RSU1: variants seen among roughly 807,000 people sequenced by gnomAD.
The protein encoded by RSU1 is Ras suppressor protein 1.
Under a neutral mutation model 31.1 loss-of-function variants are expected in RSU1, and 26 were observed. The observed-to-expected ratio is 0.84, with a 90% CI of 0.61 to 1.16. The LOEUF (loss-of-function observed/expected upper bound fraction) is 1.16. RSU1 is among the 50% of genes most tolerant of loss of function. The pLI, the probability that RSU1 is intolerant of heterozygous loss-of-function variation, is 0.00. For synonymous variants in RSU1, 164 were observed against 136.3 expected (o/e 1.20, Z -1.41); for missense variants, 320 against 339.1 (o/e 0.94, Z 0.44).
intron 7 of RSU1, among the ~76,000 whole-genome samples, chr10:16,710,388 C>T (rs777156487): frequency 6.6e-6 from 1 of 152,140 alleles, no homozygotes; most frequent in Non-Finnish European, 1.5e-5. Context: ...TTTTAATGTG[C>T]TGCTGGATTC....
At chr10:16,806,579 T>C (rs559048322) in intron 2 of RSU1, among the ~76,000 whole-genome samples, 9 of 152,154 alleles carry the variant, frequency 5.9e-5, no homozygotes, top group African/African-American at 1.9e-4. Context: ...ATGTGGTAAA[T>C]GTGTGCGTGT....
At chr10:16,659,076 C>G (rs2131524752) in intron 8 of RSU1, among the ~76,000 whole-genome samples, 1 of 152,236 alleles carries the variant, frequency 6.6e-6, no homozygotes, top group Non-Finnish European at 1.5e-5. Context: ...TACCTTTTAT[C>G]AATTTATCTT....
At chr10:16,619,201 C>G (rs1412327240) in intron 8 of RSU1, among the ~76,000 whole-genome samples, 1 of 152,218 alleles carries the variant, frequency 6.6e-6, no homozygotes, top group Admixed American at 6.5e-5. Flanking sequence ...AAAAATATTA[C>G]TTGATAGAAT....
At chr10:16,652,389 A>G (rs1834700691) in intron 8 of RSU1, among the ~76,000 whole-genome samples, 3 of 126,826 alleles carry the variant, frequency 2.4e-5, no homozygotes, top group Non-Finnish European at 4.9e-5. Flanking sequence ...ACCTGCCCCA[A>G]AGCAAAAAAA....
chr10:16,687,487 T>C lies in RSU1; in HGVS notation c.731+7536A>G, dbSNP rs1017357398. Among the ~76,000 whole-genome samples the C allele has an allele frequency of 2.0e-5, 3 of 152,148 alleles. No homozygotes were observed. The South Asian group carries it at 6.2e-4, about 32-fold the overall frequency. On this transcript the variant is annotated intron_variant, in intron 8 of 8. Transcript: ENST00000345264. ...ATACTAGTTACCTGTGAAGTATATA[T>C]GAATAATAGTGTTAACCAAGTTACA...
At chr10:16,650,448 G>A (rs1444692999) in intron 8 of RSU1, among the ~76,000 whole-genome samples, 1 of 151,902 alleles carries the variant, frequency 6.6e-6, no homozygotes, top group Non-Finnish European at 1.5e-5. Flanking sequence ...TATTCATAAA[G>A]ACAATGATAA....
At chr10:16,794,055 C>A (rs1312470776) in intron 2 of RSU1, among the ~76,000 whole-genome samples, 1 of 152,052 alleles carries the variant, frequency 6.6e-6, no homozygotes, top group Admixed American at 6.6e-5. Context: ...CTTCTCCTGC[C>A]CTCAGACATC....
At chr10:16,801,097 T>TA (rs199590345) in intron 2 of RSU1, among the ~76,000 whole-genome samples, 3,886 of 147,072 alleles carry the variant, frequency 0.026, 53 homozygotes, top group Non-Finnish European at 0.038. Flanking sequence ...ATCTTTTTTT[T>TA]AAAAAAAAAA....
At chr10:16,679,869 G>GTTT (rs71374699) in intron 8 of RSU1, among the ~76,000 whole-genome samples, 15 of 124,654 alleles carry the variant, frequency 1.2e-4, no homozygotes, top group Non-Finnish European at 1.5e-4. Flanking sequence ...AAAGACTCAA[G>GTTT]TTTTTTTTTT....
Position 16,618,401 on chromosome 10 carries a change from T to C in RSU1, c.732-24905A>G, listed in dbSNP as rs375157986. Among the ~76,000 whole-genome samples the C allele has an allele frequency of 8.5e-5, 13 of 152,296 alleles. No homozygotes were observed. The East Asian group carries it at 1.7e-3, about 20-fold the overall frequency. Reference sequence around the variant, plus strand: ...TGGGAGTGTAAATTAGTTTAACCATTGTGGAAGTCAGTGTGGCGATTCCTC... The same window carrying C: ...TGGGAGTGTAAATTAGTTTAACCATCGTGGAAGTCAGTGTGGCGATTCCTC... On this transcript the variant is annotated intron_variant, in intron 8 of 8. Coordinates refer to ENST00000345264, the MANE Select transcript of RSU1 (RefSeq NM_012425.4).
At chr10:16,716,388 A>G (rs1836140647) in intron 7 of RSU1, among the ~76,000 whole-genome samples, 2 of 152,176 alleles carry the variant, frequency 1.3e-5, no homozygotes, top group African/African-American at 4.8e-5. Flanking sequence ...GCAGAGAAAA[A>G]GCCATGACTC....
chr10:16,668,794 G>A (rs1835048289), intron 8 of RSU1, among the ~76,000 whole-genome samples: 1 of 152,130 alleles, frequency 6.6e-6, no homozygotes, highest in African/African-American at 2.4e-5. Context: ...TTCTGTCTTT[G>A]ATGGTGGTTT....
intron 7 of RSU1, among the ~76,000 whole-genome samples, chr10:16,716,430 C>T (rs540165559): frequency 1.3e-5 from 2 of 152,106 alleles, no homozygotes; most frequent in African/African-American, 4.8e-5. Context: ...TGATCCTAAG[C>T]AGTTCTGAGA....
intron 7 of RSU1, among the ~76,000 whole-genome samples, chr10:16,735,394 T>C (rs1202568132): frequency 6.6e-6 from 1 of 152,204 alleles, no homozygotes; most frequent in East Asian, 1.9e-4. Context: ...CTGGCGGTTG[T>C]GTAAATGGGT....
At chr10:16,595,971 A>G (rs1404860382) in intron 8 of RSU1, among the ~76,000 whole-genome samples, 1 of 150,800 alleles carries the variant, frequency 6.6e-6, no homozygotes, top group East Asian at 2.0e-4. Context: ...CTGTCTCAGA[A>G]AAAAAAAAAT....
chr10:16,614,935 C>T (rs1195602108), intron 8 of RSU1, among the ~76,000 whole-genome samples: 1 of 152,108 alleles, frequency 6.6e-6, no homozygotes, highest in African/African-American at 2.4e-5. Context: ...AAAAATATAA[C>T]AAAATATAAA....
intron 2 of RSU1, among the ~76,000 whole-genome samples, chr10:16,809,580 C>T (rs1395747568): frequency 6.6e-6 from 1 of 152,106 alleles, no homozygotes; most frequent in Non-Finnish European, 1.5e-5. Flanking sequence ...TTTACATCAT[C>T]CTTTGGTTTA....
intron 8 of RSU1, among the ~76,000 whole-genome samples, chr10:16,667,382 A>C (rs1835015479): frequency 6.6e-6 from 1 of 152,234 alleles, no homozygotes; most frequent in African/African-American, 2.4e-5. Context: ...GAGTGACATG[A>C]ACTAGTGACT....
chr10:16,794,215 T>C (rs1277029466), intron 2 of RSU1, among the ~76,000 whole-genome samples: 1 of 152,220 alleles, frequency 6.6e-6, no homozygotes, highest in Admixed American at 6.5e-5. Flanking sequence ...ATGTGACTTC[T>C]TAGCCTCCAT....
Sources: gnomAD v4.1 joint callset for allele counts (sites outside exome capture counted in the v4.1 genomes callset) on GRCh38, gnomAD v4.1.1 for gene constraint, MANE v1.5 for transcripts, NCBI Gene and HGNC (gene_info 2026-07-23, HGNC 2026-07-21) for gene names.